UBQLN4: variants seen among roughly 807,000 people sequenced by gnomAD.
The protein encoded by UBQLN4 is ubiquilin-4.
UBQLN4 carries 11 observed loss-of-function variants against 60.4 expected under a neutral mutation model. The observed-to-expected ratio is 0.18, with a 90% CI of 0.11 to 0.30. UBQLN4 has a LOEUF of 0.30. Ranked by LOEUF, UBQLN4 falls within the 10% of genes least tolerant of loss-of-function variation. The pLI, the probability that UBQLN4 is intolerant of heterozygous loss-of-function variation, is 1.00. For missense variants in UBQLN4, 417 were observed against 795.5 expected (o/e 0.52, Z 5.72); for synonymous variants, 258 against 313.1 (o/e 0.82, Z 1.86).
downstream of UBQLN4, chr1:156,035,233 T>C (rs567273941): frequency 1.9e-5 from 19 of 982,578 alleles, no homozygotes; most frequent in East Asian, 2.0e-3. Context: ...TCACAACTCT[T>C]GCCCTGGAAA....
At chr1:156,031,968 G>A (rs908245978), downstream of UBQLN4, among the ~76,000 whole-genome samples, 35 of 152,072 alleles carry the variant, frequency 2.3e-4, no homozygotes, top group Non-Finnish European at 2.9e-4. Flanking sequence ...GATAATAAAC[G>A]TATCCATCAA....
intron 10 of UBQLN4, 28 bp downstream of exon 10, chr1:156,041,457 C>T (rs924661924): frequency 1.3e-6 from 2 of 1,514,600 alleles, no homozygotes; most frequent in Non-Finnish European, 1.8e-6. Flanking sequence ...GTGGTGCTCC[C>T]AGCACCTGCC....
intron 5 of UBQLN4, among the ~76,000 whole-genome samples, chr1:156,046,908 A>G (rs1683717844): frequency 6.6e-6 from 1 of 152,206 alleles, no homozygotes; most frequent in African/African-American, 2.4e-5. Flanking sequence ...ATATGATAAT[A>G]TATAGACGTT....
chr1:156,046,360 T>C (rs1572276550), intron 5 of UBQLN4, among the ~76,000 whole-genome samples: 1 of 142,424 alleles, frequency 7.0e-6, no homozygotes, highest in South Asian at 2.2e-4. Context: ...TAGCTGGGCA[T>C]GGTGGCGGGC....
rs554769126 is a variant in UBQLN4, at chr1:156,047,261, T to G, written c.900+1240A>C. On this transcript the variant is annotated intron_variant, in intron 5 of 10. Coordinates refer to ENST00000368309, the MANE Select transcript of UBQLN4 (RefSeq NM_020131.5). ...TTGTGAATTTTTTTTTTTTTTTTTT[T>G]GAGATGGAGTCTCACTCTGTCGCCC... 2.8e-3 allele frequency among the ~76,000 whole-genome samples: 396 copies of G among 143,554 alleles called. 1 individual carries two copies. Among genetic ancestry groups the G allele is most frequent in the African/African-American group, 9.7e-3 (380 of 39,142 alleles). 94.2% of individuals were successfully genotyped at this position (143,554 alleles called of 152,430 possible).
Position 156,039,038 on chromosome 1 carries a change from C to T in UBQLN4, c.1654-1908G>A, listed in dbSNP as rs144907252. Among the ~76,000 whole-genome samples, 10 of 151,812 alleles carry T rather than the reference C, an allele frequency of 6.6e-5. No homozygotes were observed. In the East Asian group the frequency reaches 1.8e-3, roughly 27 times the overall value. On this transcript the variant is annotated intron_variant, in intron 10 of 10. Transcript: ENST00000368309. ...AACTCCTGGCCTCAAGTGATACACC[C>T]GCCTTGGCCTCCCAAAATGTTGGGA...
rs199701195 is a variant in UBQLN4 at position 156,051,665 on chromosome 1, G to T, written c.260+41C>A. The T allele has an allele frequency of 2.0e-3, 3,220 of 1,610,208 alleles. 8 individuals carry two copies. Among genetic ancestry groups the T allele is most frequent in the South Asian group, 2.3e-3 (209 of 90,944 alleles). ...TGAGTGAGAAAGTATCAGATGGGGAGGCCCAATCAGAAGCTGGATCTGCTC... is the reference window on the plus strand; with the variant it reads ...TGAGTGAGAAAGTATCAGATGGGGATGCCCAATCAGAAGCTGGATCTGCTC... On this transcript the variant is annotated intron_variant, in intron 2 of 10. Transcript: ENST00000368309.
chr1:156,046,468 A>G (rs1352156591), intron 5 of UBQLN4, among the ~76,000 whole-genome samples: 2 of 151,682 alleles, frequency 1.3e-5, no homozygotes, highest in African/African-American at 4.8e-5. Flanking sequence ...ATTGCACTCC[A>G]GCCTGGGCAA....
intron 6 of UBQLN4, among the ~76,000 whole-genome samples, chr1:156,043,723 C>T (rs1392292596): frequency 6.6e-6 from 1 of 152,138 alleles, no homozygotes; most frequent in Admixed American, 6.6e-5. Flanking sequence ...CAGTCTGAAC[C>T]TTTTACACTG....
In UBQLN4 at chr1:156,048,780, C is replaced by T; in HGVS notation, c.742-121G>A. 2.7e-6 allele frequency: 3 copies of T among 1,111,216 alleles called. No homozygotes were observed. The highest frequency in any genetic ancestry group is 3.8e-6 in the Non-Finnish European group (3 of 784,528). The allele number at this position is 1,111,216 out of a possible 1,614,324, so 68.8% of individuals were successfully genotyped here. On this transcript the variant is annotated intron_variant, in intron 4 of 10. Coordinates refer to ENST00000368309, the MANE Select transcript of UBQLN4 (RefSeq NM_020131.5). The surrounding 1 kb of genome is among the most constrained non-coding windows in gnomAD (Gnocchi z 4.9). ...TCAGGACCAGGGCCCAGGAACTGCC[C>T]CACAGTGACAGGGAGTAGAGTAAAC...
Position 156,042,003 on chromosome 1 carries a change from C to T in UBQLN4, c.1351-16G>A. ...GGTTCTGCATCTGGTGGGAAATAAG[C>T]AGAGAAAGGCATCAAGAGGTGGCAG... On this transcript the variant is annotated splice_polypyrimidine_tract_variant and intron_variant, in intron 8 of 10. Transcript: ENST00000368309. 1 of 1,613,934 alleles carries T rather than the reference C, an allele frequency of 6.2e-7. No homozygotes were observed. Among genetic ancestry groups the T allele is most frequent in the Non-Finnish European group, 8.5e-7 (1 of 1,179,878 alleles).
chr1:156,037,455 T>TGTG (rs1382974066), intron 10 of UBQLN4, among the ~76,000 whole-genome samples: 2 of 151,634 alleles, frequency 1.3e-5, no homozygotes, highest in Admixed American at 1.3e-4. Context: ...ATTCGCTGGG[T>TGTG]GTGGTGGTGG....
chr1:156,042,046 C>T, intron 8 of UBQLN4, 59 bp from the exon 9 acceptor site: 2 of 1,612,208 alleles, frequency 1.2e-6, no homozygotes, highest in Non-Finnish European at 1.7e-6. Flanking sequence ...GAGACAACCT[C>T]AACTAGGAGT....
intron 6 of UBQLN4, 112 bp from the exon 7 acceptor site, chr1:156,043,025 A>G: frequency 7.1e-7 from 1 of 1,411,950 alleles, no homozygotes; most frequent in East Asian, 2.5e-5. Flanking sequence ...AAACTCAGAA[A>G]AGCAATGGTC....
At chr1:156,044,402 A>G (rs1424119622) in intron 5 of UBQLN4, among the ~76,000 whole-genome samples, 179 bp from the exon 6 acceptor site, 1 of 152,158 alleles carries the variant, frequency 6.6e-6, no homozygotes, top group Non-Finnish European at 1.5e-5. Flanking sequence ...TCCTTGCTCC[A>G]TAGGGTGGGA....
In UBQLN4 at chr1:156,051,955, C is replaced by T. The variant is rs1683882770; in HGVS notation, c.109-98G>A. 5.5e-6 allele frequency: 8 copies of T among 1,461,320 alleles called. No individual in the cohort carries two copies. In the East Asian group the frequency reaches 1.2e-4, roughly 21 times the overall value. 90.5% of individuals were successfully genotyped at this position (1,461,320 alleles called of 1,614,324 possible). On this transcript the variant is annotated intron_variant, in intron 1 of 10. Transcript: ENST00000368309. ...AACACCTTCTGCACTCTCTTGCTCTCATCTCTAGTCATGGGAAGTCCTTTC... is the reference window on the plus strand; with the variant it reads ...AACACCTTCTGCACTCTCTTGCTCTTATCTCTAGTCATGGGAAGTCCTTTC...
chr1:156,046,384 G>C (rs1683701261), intron 5 of UBQLN4, among the ~76,000 whole-genome samples: 1 of 150,482 alleles, frequency 6.6e-6, no homozygotes, highest in African/African-American at 2.4e-5. Flanking sequence ...TGTGGTCCCA[G>C]CTACTCGGGA....
At chr1:156,051,566 A>G in intron 2 of UBQLN4, 140 bp downstream of exon 2, 4 of 1,294,376 alleles carry the variant, frequency 3.1e-6, no homozygotes, top group East Asian at 2.5e-5. Flanking sequence ...CCCTTCCCCT[A>G]GAGATGAGAT....
rs773882741 is a variant in UBQLN4 at position 156,053,633 on chromosome 1, C to T, written c.69G>A (p.Lys23=). 3 of 1,392,990 alleles carry T rather than the reference C, an allele frequency of 2.2e-6. No homozygotes were observed. The highest frequency in any genetic ancestry group is 2.8e-5 in the East Asian group (1 of 36,188). The allele number at this position is 1,392,990 out of a possible 1,614,324, so 86.3% of individuals were successfully genotyped here. A position where few individuals can be genotyped will look rare whatever the true frequency, so the allele number is the denominator to read the frequency against. ...IRVTVKTPKD[K]EEIVICDRAS... is the part of the protein sequence containing the mutation. Reference sequence around the variant, plus strand: ...CTCGATCGCAGATCACAATTTCCTCCTTGTCCTTGGGGGTCTTGACGGTGA... The same window carrying T: ...CTCGATCGCAGATCACAATTTCCTCTTTGTCCTTGGGGGTCTTGACGGTGA... Residue 23 remains lysine, a synonymous_variant, in exon 1 of 11, where the codon AAG becomes AAA. Coordinates refer to ENST00000368309, the MANE Select transcript of UBQLN4 (RefSeq NM_020131.5).
Sources: allele counts gnomAD v4.1 joint callset (sites outside exome capture counted in the v4.1 genomes callset), GRCh38; gene constraint gnomAD v4.1.1; non-coding constraint Gnocchi (gnomAD v3.1); transcripts MANE v1.5; gene names NCBI Gene and HGNC (gene_info 2026-07-23, HGNC 2026-07-21).